The following USP48 variants were observed in gnomAD, a reference collection of about 807,000 sequenced individuals.
USP48 encodes ubiquitin carboxyl-terminal hydrolase 48.
In USP48, 43 loss-of-function variants were observed where a neutral mutation model predicts 150.7. The ratio of observed to expected loss-of-function variants is 0.29; its 90% confidence interval spans 0.22 to 0.37. The LOEUF is 0.37. Ranked by LOEUF, USP48 falls within the 10% of genes least tolerant of loss-of-function variation. The pLI is 1.00. For synonymous variants in USP48, 396 were observed against 425.9 expected (o/e 0.93, Z 0.86); for missense variants, 813 against 1,249.6 (o/e 0.65, Z 5.27).
chr1:21,768,232 T>C lies in USP48; in HGVS notation c.135-10449A>G, dbSNP rs185265180. 4.3e-4 allele frequency: 64 copies of C among 150,406 alleles called. 1 individual carries two copies. The highest frequency in any genetic ancestry group is 3.4e-3 in the Admixed American group (51 of 14,974). 9.3% of individuals were successfully genotyped at this position (150,406 alleles called of 1,614,324 possible). A position where few individuals can be genotyped will look rare whatever the true frequency, so the allele number is the denominator to read the frequency against. On this transcript the variant is annotated intron_variant, in intron 1 of 26. Coordinates refer to ENST00000308271, the MANE Select transcript of USP48 (RefSeq NM_032236.8). ...AAAAAAAAAAAAAGAGTTTGCAAAA[T>C]AGAAAAGTCTCAGCAGGTACCTCAC...
intron 1 of USP48, chr1:21,768,560 T>G (rs368331969): frequency 6.6e-6 from 1 of 152,172 alleles, no homozygotes; most frequent in Admixed American, 6.6e-5. Flanking sequence ...CTTAATCTTA[T>G]TGGCAGCATG....
At chr1:21,724,372 C>T (rs2097730580) in intron 11 of USP48, 1 of 584,906 alleles carries the variant, frequency 1.7e-6, no homozygotes, top group African/African-American at 1.9e-5. Context: ...GAGGCATCCA[C>T]ATAGAGTCTT....
rs2097821214 is a variant in USP48, at chr1:21,753,193, T to A, written c.413-74A>T. 3 of 1,444,112 alleles carry A rather than the reference T, an allele frequency of 2.1e-6. No individual in the cohort carries two copies. In the Admixed American group the frequency reaches 6.5e-5, roughly 31 times the overall value. 89.5% of individuals were successfully genotyped at this position (1,444,112 alleles called of 1,614,324 possible). A position where few individuals can be genotyped will look rare whatever the true frequency, so the allele number is the denominator to read the frequency against. ...CTTTCCAAAAAATGGTACTTCCTCT[T>A]CACATGAGAACATAAACATCTCTAC... On this transcript the variant is annotated intron_variant, in intron 3 of 26. Transcript: ENST00000308271.
At chr1:21,703,386 A>T (rs977005484) in intron 21 of USP48, 126 bp downstream of exon 21, 14 of 562,402 alleles carry the variant, frequency 2.5e-5, no homozygotes, top group Non-Finnish European at 4.1e-5. Flanking sequence ...TTCAATTCTG[A>T]TGCCAAACAG....
intron 15 of USP48, among the ~76,000 whole-genome samples, chr1:21,707,708 G>A (rs532629986): frequency 3.1e-4 from 47 of 152,280 alleles, no homozygotes; most frequent in Admixed American, 2.7e-3. Context: ...AAAGTCATAT[G>A]TTTGTTTCTG....
intron 1 of USP48, among the ~76,000 whole-genome samples, chr1:21,760,824 G>A (rs1264415519): frequency 6.6e-6 from 1 of 152,230 alleles, no homozygotes; most frequent in African/African-American, 2.4e-5. Flanking sequence ...GCCAGGCACA[G>A]TGGCTCACGC....
chr1:21,776,811 G>A (rs190565548), intron 1 of USP48, among the ~76,000 whole-genome samples: 18 of 152,122 alleles, frequency 1.2e-4, no homozygotes, highest in South Asian at 2.1e-4. Context: ...AAAATTAGCC[G>A]GGCGTGGTGC....
chr1:21,778,294 G>A (rs957373242), intron 1 of USP48, among the ~76,000 whole-genome samples: 2 of 152,080 alleles, frequency 1.3e-5, no homozygotes, highest in African/African-American at 2.4e-5. Context: ...GATGTTTAAC[G>A]TGATTAGTCA....
In USP48 at chr1:21,715,474, C is replaced by A. The variant is rs758731582; in HGVS notation, c.1895-17G>T. Reference sequence around the variant, plus strand: ...TTGATTCATCTAATCAAAAGAAATACAAATGATATCTGCTGTGGTTATTGT... The same window carrying A: ...TTGATTCATCTAATCAAAAGAAATAAAAATGATATCTGCTGTGGTTATTGT... On this transcript the variant is annotated splice_polypyrimidine_tract_variant and intron_variant, in intron 14 of 26. Coordinates refer to ENST00000308271, the MANE Select transcript of USP48 (RefSeq NM_032236.8). The A allele has an allele frequency of 6.8e-7, 1 of 1,471,454 alleles. No individual in the cohort carries two copies. Among genetic ancestry groups the A allele is most frequent in the Non-Finnish European group, 9.5e-7 (1 of 1,053,958 alleles). 91.1% of individuals were successfully genotyped at this position (1,471,454 alleles called of 1,614,324 possible). A position where few individuals can be genotyped will look rare whatever the true frequency, so the allele number is the denominator to read the frequency against.
In USP48 at chr1:21,699,510, T is replaced by TA. The variant is rs776043063; in HGVS notation, c.2727+1987_2727+1988insT. Among the ~76,000 whole-genome samples, 4 of 147,504 alleles carry TA rather than the reference T, an allele frequency of 2.7e-5. No individual in the cohort carries two copies. In the East Asian group the frequency reaches 8.3e-4, roughly 31 times the overall value. ...ACCGTGCCTGGCCTAATTTTTGTATTTTTATTTATTTATTTATTTTTGAGA... is the reference window on the plus strand; with the variant it reads ...ACCGTGCCTGGCCTAATTTTTGTATTATTTATTTATTTATTTATTTTTGAGA... On this transcript the variant is annotated intron_variant, in intron 22 of 26. Transcript: ENST00000308271.
intron 21 of USP48, 31 bp downstream of exon 21, chr1:21,703,481 T>G (rs2097663238): frequency 6.4e-7 from 1 of 1,556,252 alleles, no homozygotes; most frequent in Non-Finnish European, 8.9e-7. Context: ...GCTTGATCAT[T>G]ACTAGTCATT....
At chr1:21,681,898 T>C (rs1300414347) in intron 25 of USP48, among the ~76,000 whole-genome samples, 1 of 152,220 alleles carries the variant, frequency 6.6e-6, no homozygotes, top group African/African-American at 2.4e-5. Context: ...AAGACAGTCA[T>C]CATCCCTTCC....
At chr1:21,695,876 T>A (rs1408185249) in intron 22 of USP48, among the ~76,000 whole-genome samples, 4 of 151,952 alleles carry the variant, frequency 2.6e-5, no homozygotes, top group African/African-American at 9.7e-5. Flanking sequence ...ATATGGAACA[T>A]TAATAAAAAA....
intron 22 of USP48, among the ~76,000 whole-genome samples, chr1:21,699,796 G>A (rs1373248921): frequency 4.1e-5 from 6 of 146,258 alleles, no homozygotes; most frequent in African/African-American, 1.0e-4. Flanking sequence ...AATTACAGGC[G>A]TGAGCCACTG....
rs577533628 is a variant in USP48, at chr1:21,712,774, G to A, written c.1963+2615C>T. Reference sequence around the variant, plus strand: ...CTCCCGAGTAGGTGGGATTACAGGCGTCCACCATGACATCCAGCTAATTTT... The same window carrying A: ...CTCCCGAGTAGGTGGGATTACAGGCATCCACCATGACATCCAGCTAATTTT... On this transcript the variant is annotated intron_variant, in intron 15 of 26. Coordinates refer to ENST00000308271, the MANE Select transcript of USP48 (RefSeq NM_032236.8). 2.0e-5 allele frequency among the ~76,000 whole-genome samples: 3 copies of A among 151,760 alleles called. No homozygotes were observed. The East Asian group carries it at 5.8e-4, about 29-fold the overall frequency.
rs375702899 is a variant in USP48, at chr1:21,762,818, A to T, written c.135-5035T>A. 5.5e-3 allele frequency among the ~76,000 whole-genome samples: 811 copies of T among 148,580 alleles called. 5 individuals carry two copies. The highest frequency in any genetic ancestry group is 0.025 in the Middle Eastern group (7 of 278). On this transcript the variant is annotated intron_variant, in intron 1 of 26. Transcript: ENST00000308271. ...GAGGCGGAGGTTGCAGTGAGCCGAG[A>T]TCACGCCACTGCACTCCAGCCTGGG... is the stretch of plus-strand genomic sequence containing the variant.
At chr1:21,726,928 A>G (rs766733774) in intron 11 of USP48, among the ~76,000 whole-genome samples, 6 of 152,150 alleles carry the variant, frequency 3.9e-5, no homozygotes, top group Non-Finnish European at 5.9e-5. Flanking sequence ...ACCACAGGGA[A>G]ATATACATTT....
chr1:21,732,123 C>T (rs1271918292), intron 9 of USP48, among the ~76,000 whole-genome samples: 4 of 152,056 alleles, frequency 2.6e-5, no homozygotes, highest in Non-Finnish European at 5.9e-5. Flanking sequence ...ACTAAAAATA[C>T]AAATAATTAG....
At chr1:21,698,399 G>A (rs77005079) in intron 22 of USP48, among the ~76,000 whole-genome samples, 7,734 of 152,076 alleles carry the variant, frequency 0.051, 240 homozygotes, top group Middle Eastern at 0.058. Context: ...ATTTATAAAC[G>A]TGAAATCTGT....
Sources: allele counts gnomAD v4.1 joint callset (sites outside exome capture counted in the v4.1 genomes callset), GRCh38; gene constraint gnomAD v4.1.1; transcripts MANE v1.5; gene names NCBI Gene and HGNC (gene_info 2026-07-23, HGNC 2026-07-21).